DCAF7: variants seen among roughly 807,000 people sequenced by gnomAD.
The protein encoded by DCAF7 is DDB1- and CUL4-associated factor 7.
In DCAF7, 4 loss-of-function variants were observed where a neutral mutation model predicts 41.2. The ratio of observed to expected loss-of-function variants is 0.10; its 90% CI spans 0.05 to 0.22. The LOEUF is 0.22. Among genes scored for constraint, DCAF7 ranks in the 10% least tolerant of loss-of-function variants. The probability of loss-of-function intolerance (pLI) is 1.00; values close to 1 mark genes in which losing one functional copy is unlikely to be tolerated. For missense variants in DCAF7, 131 were observed against 443.2 expected, an observed-to-expected ratio of 0.30 and a Z score of 6.32; for synonymous variants, 143 against 164.2, an observed-to-expected ratio of 0.87 and a Z score of 0.99.
chr17:63,574,562 A>C (rs2033540796), intron 1 of DCAF7, among the ~76,000 whole-genome samples: 1 of 152,230 alleles, frequency 6.6e-6, no homozygotes, highest in Non-Finnish European at 1.5e-5. Context: ...AGGAATCTAC[A>C]AAAAAGCTAC....
At chr17:63,585,393 G>T in intron 6 of DCAF7, 65 bp downstream of exon 6, 1 of 1,408,568 alleles carries the variant, frequency 7.1e-7, no homozygotes, top group Non-Finnish European at 1.0e-6. Flanking sequence ...TGGCTCCTTA[G>T]AATTGTAGTT....
chr17:63,561,524 G>T lies in DCAF7; in HGVS notation c.138+10709G>T, dbSNP rs150501717. Among the ~76,000 whole-genome samples the T allele has an allele frequency of 8.6e-3, 1,312 of 152,202 alleles. 10 individuals carry two copies. Among genetic ancestry groups the T allele is most frequent in the South Asian group, 0.023 (111 of 4,820 alleles). On this transcript the variant is annotated intron_variant, in intron 1 of 6. Coordinates refer to ENST00000614556, the MANE Select transcript of DCAF7 (RefSeq NM_005828.5). ...CATTGGGCCCAGGAGTTTGAGATCAGCCTGGGCAACATGGTGAAACTCCAT... is the reference window on the plus strand; with the variant it reads ...CATTGGGCCCAGGAGTTTGAGATCATCCTGGGCAACATGGTGAAACTCCAT...
intron 1 of DCAF7, among the ~76,000 whole-genome samples, chr17:63,554,925 T>C (rs575046803): frequency 6.6e-6 from 1 of 152,182 alleles, no homozygotes; most frequent in African/African-American, 2.4e-5. Context: ...TTAAAGACTC[T>C]GGGGGGAAAA....
In DCAF7 at chr17:63,585,315, C is replaced by T; in HGVS notation, c.843C>T (p.His281=). The T allele has an allele frequency of 6.2e-7, 1 of 1,613,640 alleles. No individual in the cohort carries two copies. Among genetic ancestry groups the T allele is most frequent in the Non-Finnish European group, 8.5e-7 (1 of 1,179,602 alleles). Residue 281 remains histidine (H), a synonymous_variant, in exon 6 of 7, where the codon CAC becomes CAT. Transcript: ENST00000614556. ...GIAWAPHSSC[H]ICTAADDHQA... ...CTTGGGCCCCACATTCATCCTGCCA[C>T]ATCTGCACTGCAGGTAATCATGGTG...
At chr17:63,554,769 T>C (rs1046541030) in intron 1 of DCAF7, among the ~76,000 whole-genome samples, 1 of 152,254 alleles carries the variant, frequency 6.6e-6, no homozygotes, top group Non-Finnish European at 1.5e-5. Context: ...TATTTAATTA[T>C]TATCATTACT....
chr17:63,576,458 A>G (rs1166797812), intron 1 of DCAF7, among the ~76,000 whole-genome samples: 8 of 152,124 alleles, frequency 5.3e-5, no homozygotes, highest in Admixed American at 5.2e-4. Flanking sequence ...AAAAGGAAAA[A>G]CAACAACAAA....
intron 1 of DCAF7, chr17:63,573,259 T>C (rs536942702): frequency 2.6e-5 from 4 of 152,364 alleles, no homozygotes; most frequent in Non-Finnish European, 5.9e-5. Flanking sequence ...CAGAACACTT[T>C]ACAAATTTCC....
At chr17:63,567,093 T>G (rs926034675) in intron 1 of DCAF7, among the ~76,000 whole-genome samples, 4 of 152,044 alleles carry the variant, frequency 2.6e-5, no homozygotes, top group African/African-American at 4.8e-5. Flanking sequence ...TGTGAGCCAC[T>G]GCACCTAGCA....
rs139063781 is a variant in DCAF7, at chr17:63,589,193, C to T, written c.*21C>T. On this transcript the variant is annotated 3_prime_UTR_variant, in exon 7 of 7. Coordinates refer to ENST00000614556, the MANE Select transcript of DCAF7 (RefSeq NM_005828.5). Reference sequence around the variant, plus strand: ...TGTAGTGTTGGTGGCGCTGTGCCCACGAGGCAGGGGCTTTTGTATTTCCTG... The same window carrying T: ...TGTAGTGTTGGTGGCGCTGTGCCCATGAGGCAGGGGCTTTTGTATTTCCTG... 4,118 of 1,611,434 alleles carry T rather than the reference C, an allele frequency of 2.6e-3. 74 individuals carry two copies. The African/African-American group carries it at 0.044, about 17-fold the overall frequency.
intron 1 of DCAF7, among the ~76,000 whole-genome samples, chr17:63,559,345 A>G (rs1321214669): frequency 7.4e-6 from 1 of 134,320 alleles, no homozygotes; most frequent in African/African-American, 3.0e-5. Flanking sequence ...ATACATATAT[A>G]TACGTATATA....
intron 1 of DCAF7, among the ~76,000 whole-genome samples, chr17:63,571,044 G>A (rs1354263330): frequency 6.6e-6 from 1 of 152,104 alleles, no homozygotes; most frequent in Non-Finnish European, 1.5e-5. Flanking sequence ...AAATTAGCCA[G>A]GTGCGATGGC....
At chr17:63,577,546 C>T (rs1056693189) in intron 1 of DCAF7, among the ~76,000 whole-genome samples, 5 of 152,096 alleles carry the variant, frequency 3.3e-5, no homozygotes, top group African/African-American at 9.7e-5. Context: ...GTGATCAGAG[C>T]TAGGTGGGAC....
At chr17:63,558,941 A>G (rs960357651) in intron 1 of DCAF7, among the ~76,000 whole-genome samples, 4 of 152,228 alleles carry the variant, frequency 2.6e-5, no homozygotes, top group Non-Finnish European at 4.4e-5. Context: ...GAACTGATGT[A>G]TAAACAGAGT....
rs377638787 is a variant in DCAF7, at chr17:63,588,189, A to ATTTTTTTTTTTTTTTTTTTT, written c.857-795_857-794insTTTTTTTTTTTTTTTTTTTT. Among the ~76,000 whole-genome samples, 86 of 120,206 alleles carry ATTTTTTTTTTTTTTTTTTTT rather than the reference A, an allele frequency of 7.2e-4. 9 individuals carry two copies. The highest frequency in any genetic ancestry group is 3.3e-3 in the African/African-American group (84 of 25,398). 78.9% of individuals were successfully genotyped at this position (120,206 alleles called of 152,430 possible). On this transcript the variant is annotated intron_variant, in intron 6 of 6. Coordinates refer to ENST00000614556, the MANE Select transcript of DCAF7 (RefSeq NM_005828.5). ...GTGTTTCCCATAGCTATTTTCTTGG[A>ATTTTTTTTTTTTTTTTTTTT]TTTTTTTTTTTTTTTTGAGATGAAG...
chr17:63,578,131 AG>A (rs1397185940), intron 1 of DCAF7, among the ~76,000 whole-genome samples: 1 of 152,142 alleles, frequency 6.6e-6, no homozygotes, highest in Non-Finnish European at 1.5e-5. Context: ...TGGGAGGCTG[AG>A]GTGGGAGGAT....
intron 1 of DCAF7, among the ~76,000 whole-genome samples, chr17:63,575,844 G>A (rs1471279136): frequency 3.9e-5 from 6 of 152,294 alleles, no homozygotes; most frequent in East Asian, 1.9e-4. Flanking sequence ...TGTAAAATTC[G>A]ACAAGCTGAT....
chr17:63,575,383 GA>G (rs2033550844), intron 1 of DCAF7, among the ~76,000 whole-genome samples: 1 of 152,032 alleles, frequency 6.6e-6, no homozygotes, highest in African/African-American at 2.4e-5. Flanking sequence ...GAAGTACACT[GA>G]AAACTTTAAA....
chr17:63,559,397 A>ATGTATATATATATG (rs2033351953), intron 1 of DCAF7, among the ~76,000 whole-genome samples: 1 of 76,422 alleles, frequency 1.3e-5, no homozygotes, highest in African/African-American at 5.9e-5. Flanking sequence ...GTATATATAT[A>ATGTATATATATATG]TGTATATATA....
chr17:63,577,452 A>G (rs112147513), intron 1 of DCAF7, among the ~76,000 whole-genome samples: 2,170 of 152,296 alleles, frequency 0.014, 51 homozygotes, highest in African/African-American at 0.05. Flanking sequence ...AAGCAAATGT[A>G]CAGTTAGTGT....
Sources: gnomAD v4.1 joint callset for allele counts (sites outside exome capture counted in the v4.1 genomes callset) on GRCh38, gnomAD v4.1.1 for gene constraint, MANE v1.5 for transcripts, NCBI Gene and HGNC (gene_info 2026-07-23, HGNC 2026-07-21) for gene names.